ADGRL4: variants seen among roughly 807,000 people sequenced by gnomAD.
ADGRL4 encodes adhesion G protein-coupled receptor L4, also known as EGF, latrophilin and seven transmembrane domain containing 1.
ADGRL4 carries 90 observed loss-of-function variants against 74.8 expected under a neutral mutation model. That is an observed-to-expected ratio of 1.20 (90% CI 1.02 to 1.43). The LOEUF is 1.43. Among genes scored for constraint, ADGRL4 ranks in the 40% most tolerant of loss-of-function variants. The probability of loss-of-function intolerance (pLI) is 0.00; values close to 1 mark genes in which losing one functional copy is unlikely to be tolerated. For synonymous variants in ADGRL4, 311 were observed against 279.2 expected (o/e 1.11, Z -1.14); for missense variants, 881 against 814.3 (o/e 1.08, Z -1.00).
At chr1:78,959,275 T>C (rs774735817) in intron 2 of ADGRL4, among the ~76,000 whole-genome samples, 7 of 152,192 alleles carry the variant, frequency 4.6e-5, no homozygotes, top group Non-Finnish European at 1.0e-4. Context: ...TAAATATTTA[T>C]CTTTACTAAT....
At chr1:78,972,033 G>A (rs1557516970) in intron 2 of ADGRL4, among the ~76,000 whole-genome samples, 1 of 152,146 alleles carries the variant, frequency 6.6e-6, no homozygotes, top group Non-Finnish European at 1.5e-5. Flanking sequence ...GAGATTACAG[G>A]TGTGCACCAC....
intron 2 of ADGRL4, among the ~76,000 whole-genome samples, chr1:78,954,055 A>T (rs773522176): frequency 5.3e-5 from 8 of 152,168 alleles, no homozygotes; most frequent in Non-Finnish European, 1.0e-4. Flanking sequence ...CTGAGGCAGG[A>T]GAATCGCTTG....
chr1:78,986,572 C>T (rs1175911691), intron 2 of ADGRL4, among the ~76,000 whole-genome samples: 1 of 151,756 alleles, frequency 6.6e-6, no homozygotes, highest in African/African-American at 2.4e-5. Flanking sequence ...GGTTGAGCCA[C>T]TGCACTTCAG....
intron 12 of ADGRL4, among the ~76,000 whole-genome samples, chr1:78,895,392 T>G (rs546002563): frequency 9.1e-4 from 138 of 152,150 alleles, no homozygotes; most frequent in African/African-American, 3.2e-3. Flanking sequence ...TTCTCATATA[T>G]TCTATTGAGA....
chr1:79,005,370 A>G, intron 1 of ADGRL4, 151 bp from the exon 2 acceptor site: 1 of 582,582 alleles, frequency 1.7e-6, no homozygotes, highest in Non-Finnish European at 2.7e-6. Context: ...TTAGCTAAGT[A>G]ACAGCACAAA....
At chr1:78,902,698 T>G (rs1648544835) in intron 12 of ADGRL4, among the ~76,000 whole-genome samples, 1 of 152,204 alleles carries the variant, frequency 6.6e-6, no homozygotes, top group South Asian at 2.1e-4. Flanking sequence ...GAGAAATAAT[T>G]AAAGGAGAAG....
intron 3 of ADGRL4, among the ~76,000 whole-genome samples, chr1:78,941,925 C>A (rs940207217): frequency 6.6e-6 from 1 of 151,976 alleles, no homozygotes; most frequent in Non-Finnish European, 1.5e-5. Context: ...CTAGGCCCGG[C>A]GCAGTGGCTT....
At chr1:79,004,395 A>C (rs1354278471) in intron 2 of ADGRL4, among the ~76,000 whole-genome samples, 1 of 152,048 alleles carries the variant, frequency 6.6e-6, no homozygotes, top group Non-Finnish European at 1.5e-5. Context: ...TAGAGGTGAC[A>C]ACTACAGACA....
At position 78,936,004 on chromosome 1, in the gene ADGRL4, G is replaced by C. The variant is rs1282770973; in HGVS notation, c.877+291C>G. On this transcript the variant is annotated intron_variant, in intron 7 of 14. Coordinates refer to ENST00000370742, the MANE Select transcript of ADGRL4 (RefSeq NM_022159.4). ...CCGGGCGTGATGGCGGGCGCCTGTA[G>C]TCCCAGCTACTCGGGAGGCTGAGGC... Among the ~76,000 whole-genome samples the C allele has an allele frequency of 1.8e-4, 14 of 77,708 alleles. 5 individuals carry two copies. The Middle Eastern group carries it at 0.017, about 97-fold the overall frequency. 51.0% of individuals were successfully genotyped at this position (77,708 alleles called of 152,430 possible).
intron 2 of ADGRL4, among the ~76,000 whole-genome samples, chr1:78,996,338 C>CAGCTAATGT (rs1650713789): frequency 6.6e-6 from 1 of 151,478 alleles, no homozygotes; most frequent in Non-Finnish European, 1.5e-5. Flanking sequence ...GATGTTAAGT[C>CAGCTAATGT]AGCTAATATA....
At chr1:78,936,513 T>A in intron 6 of ADGRL4, 102 bp from the exon 7 acceptor site, 1 of 1,047,452 alleles carries the variant, frequency 9.5e-7, no homozygotes, top group Non-Finnish European at 1.3e-6. Flanking sequence ...TTATTGTGTT[T>A]TAAATTATTT....
chr1:78,930,890 T>C (rs1387099171), intron 7 of ADGRL4, among the ~76,000 whole-genome samples: 3 of 151,446 alleles, frequency 2.0e-5, no homozygotes, highest in East Asian at 3.9e-4. Flanking sequence ...TAATCATTAA[T>C]TTGCTTGCTA....
intron 12 of ADGRL4, among the ~76,000 whole-genome samples, chr1:78,908,416 C>T (rs546173821): frequency 6.6e-6 from 1 of 152,054 alleles, no homozygotes; most frequent in South Asian, 2.1e-4. Flanking sequence ...TGGTCTAAAG[C>T]TTTAAAAAGT....
chr1:78,984,844 C>T (rs746238675), intron 2 of ADGRL4, among the ~76,000 whole-genome samples: 2 of 151,510 alleles, frequency 1.3e-5, no homozygotes, highest in Non-Finnish European at 3.0e-5. Context: ...AGTAAATTAC[C>T]GTGGGACTCA....
chr1:78,921,619 A>T lies in ADGRL4; in HGVS notation c.1251T>A (p.Pro417=). The T allele has an allele frequency of 7.0e-7, 1 of 1,437,288 alleles. No individual in the cohort carries two copies. The highest frequency in any genetic ancestry group is 9.2e-7 in the Non-Finnish European group (1 of 1,088,046). The allele number at this position is 1,437,288 out of a possible 1,614,324, so 89.0% of individuals were successfully genotyped here. A position where few individuals can be genotyped will look rare whatever the true frequency, so the allele number is the denominator to read the frequency against. The part of the protein sequence containing the change: ...THFAILMSSG[P]SIGIKDYNIL... ...AAGGGGAAAATTATCTTACAATGGAAGGACCAGAGGACATCAAAATTGCAA... is the reference window on the plus strand; with the variant it reads ...AAGGGGAAAATTATCTTACAATGGATGGACCAGAGGACATCAAAATTGCAA... The change falls in exon 9 of 15, where the codon CCT becomes CCA. Residue 417 remains proline, a synonymous_variant. Transcript: ENST00000370742.
At position 78,890,396 on chromosome 1, in the gene ADGRL4, C is replaced by A. The variant is rs1048995604; in HGVS notation, c.*758G>T. ...ATTTTACTGATTAACTATCCAAAGT[C>A]ACAATCTGTGAAATAAGTAAGGAAA... is the stretch of plus-strand genomic sequence containing the variant. On this transcript the variant is annotated 3_prime_UTR_variant, in exon 15 of 15. Coordinates refer to ENST00000370742, the MANE Select transcript of ADGRL4 (RefSeq NM_022159.4). 1 of 151,274 alleles carries A rather than the reference C, an allele frequency of 6.6e-6. No individual in the cohort carries two copies. Among genetic ancestry groups the A allele is most frequent in the Admixed American group, 6.6e-5 (1 of 15,166 alleles). The allele number at this position is 151,274 out of a possible 1,614,324, so 9.4% of individuals were successfully genotyped here.
intron 12 of ADGRL4, among the ~76,000 whole-genome samples, chr1:78,909,232 T>C (rs904020966): frequency 1.3e-5 from 2 of 152,028 alleles, no homozygotes; most frequent in African/African-American, 4.8e-5. Flanking sequence ...GTGTTTCTAA[T>C]ATAACTTTAA....
At chr1:78,895,843 C>T (rs912138945) in intron 12 of ADGRL4, among the ~76,000 whole-genome samples, 1 of 152,002 alleles carries the variant, frequency 6.6e-6, no homozygotes, top group Non-Finnish European at 1.5e-5. Flanking sequence ...GTACTGTAGG[C>T]TTTCTCCTTA....
chr1:78,917,237 T>C (rs570396759), intron 12 of ADGRL4, among the ~76,000 whole-genome samples: 31 of 151,962 alleles, frequency 2.0e-4, no homozygotes, highest in African/African-American at 7.5e-4. Flanking sequence ...TATCAGCTGG[T>C]TGGCACACTC....
Sources: gnomAD v4.1 joint callset for allele counts (sites outside exome capture counted in the v4.1 genomes callset) on GRCh38, gnomAD v4.1.1 for gene constraint, MANE v1.5 for transcripts, NCBI Gene and HGNC (gene_info 2026-07-23, HGNC 2026-07-21) for gene names.